APIP: variants seen among roughly 807,000 people sequenced by gnomAD.
APIP encodes the protein APAF1 interacting protein.
APIP carries 32 observed loss-of-function variants against 32.0 expected under a neutral mutation model. The ratio of observed to expected loss-of-function variants is 1.00; its 90% CI spans 0.76 to 1.34. The LOEUF (loss-of-function observed/expected upper bound fraction) is 1.34. Ranked by LOEUF, APIP falls within the 40% of genes most tolerant of loss-of-function variation. The pLI is 0.00. For missense variants in APIP, 247 were observed against 298.6 expected, an observed-to-expected ratio of 0.83 and a Z score of 1.27; for synonymous variants, 92 against 94.8, an observed-to-expected ratio of 0.97 and a Z score of 0.17.
chr11:34,910,736 T>C (rs1394414542), intron 1 of APIP, among the ~76,000 whole-genome samples: 1 of 152,220 alleles, frequency 6.6e-6, no homozygotes, highest in African/African-American at 2.4e-5. Flanking sequence ...TACTTTACTT[T>C]ATCCTTATAA....
At chr11:34,883,626 A>C in intron 5 of APIP, 122 bp from the exon 6 acceptor site, 1 of 891,522 alleles carries the variant, frequency 1.1e-6, no homozygotes, top group South Asian at 1.7e-5. Flanking sequence ...AGCCACTCCA[A>C]ATTATGAACA....
chr11:34,895,050 A>G lies in APIP; in HGVS notation c.118T>C (p.Trp40Arg), dbSNP rs1254459139. ...ATTCCTCCTCCAGTCCCAGTGACCC[A>G]GCCTAAATGGTAAAACTGTTTGCAA... The part of the protein sequence containing the change: ...ELCKQFYHLG[W>R]VTGTGGGISL... Residue 40 changes from tryptophan to arginine, a missense_variant, in exon 2 of 7, where the codon TGG becomes CGG. Physicochemically the swap from Trp to Arg is moderately radical, Grantham distance 101 (BLOSUM62 -3). Transcript: ENST00000395787. 6.2e-7 allele frequency: 1 copy of G among 1,614,030 alleles called. No homozygotes were observed. Among genetic ancestry groups the G allele is most frequent in the African/African-American group, 1.3e-5 (1 of 74,924 alleles).
chr11:34,906,603 C>A lies in APIP; in HGVS notation c.57+9625G>T, dbSNP rs537075039. Among the ~76,000 whole-genome samples, 82 of 152,316 alleles carry A rather than the reference C, an allele frequency of 5.4e-4. 1 individual carries two copies. Among genetic ancestry groups the A allele is most frequent in the African/African-American group, 1.9e-3 (77 of 41,558 alleles). On this transcript the variant is annotated intron_variant, in intron 1 of 6. Coordinates refer to ENST00000395787, the MANE Select transcript of APIP (RefSeq NM_015957.4). Reference sequence around the variant, plus strand: ...CAGCAATCTACAGACTCTTTCACCACAGTAGCAGCACAGAATAGACGGGGC... The same window carrying A: ...CAGCAATCTACAGACTCTTTCACCAAAGTAGCAGCACAGAATAGACGGGGC...
rs768499452 is a variant in APIP at position 34,883,367 on chromosome 11, C to CA, written c.598dup (p.Trp200LeufsTer13). On this transcript the variant is annotated frameshift_variant, in exon 6 of 7. Coordinates refer to ENST00000395787, the MANE Select transcript of APIP (RefSeq NM_015957.4). LOFTEE classifies it high-confidence loss of function. ...TTTGGCCTTCTCCCATGTTTCCCCC[C>CA]ACACATATACTCCATGACGTCTGAC... 1.9e-6 allele frequency: 3 copies of CA among 1,611,864 alleles called. No homozygotes were observed. The highest frequency in any genetic ancestry group is 1.3e-5 in the African/African-American group (1 of 74,814).
At chr11:34,902,538 T>G (rs1433764859) in intron 1 of APIP, among the ~76,000 whole-genome samples, 1 of 152,026 alleles carries the variant, frequency 6.6e-6, no homozygotes, top group Non-Finnish European at 1.5e-5. Context: ...TTAAGCCTAT[T>G]TCCTCCTTCC....
intron 5 of APIP, among the ~76,000 whole-genome samples, chr11:34,885,654 A>G (rs1017637464): frequency 3.9e-5 from 6 of 152,312 alleles, no homozygotes; most frequent in South Asian, 2.1e-4. Flanking sequence ...AATAGGCTCT[A>G]GATTTCTCAA....
At chr11:34,886,980 A>G (rs1853083869) in intron 5 of APIP, among the ~76,000 whole-genome samples, 1 of 152,210 alleles carries the variant, frequency 6.6e-6, no homozygotes, top group African/African-American at 2.4e-5. Context: ...TATAAAAGAT[A>G]AACTTAAAAA....
In APIP at chr11:34,888,407, G is replaced by A; in HGVS notation, c.347C>T (p.Thr116Ile). ...TMRGAGAVIHTHSKAAVMATL... is the reference protein window; with the variant it reads ...TMRGAGAVIHIHSKAAVMATL... ...GGCCATCACAGCAGCTTTAGAGTGG[G>A]TATGAATCACTGCACCTGCTCCTGA... is the stretch of plus-strand genomic sequence containing the variant. The change falls in exon 5 of 7, where the codon ACC becomes ATC. Residue 116 changes from threonine to isoleucine, a missense_variant. Thr to Ile is a moderately conservative substitution (Grantham distance 89, BLOSUM62 -1). Transcript: ENST00000395787. 6.2e-7 allele frequency: 1 copy of A among 1,609,660 alleles called. No individual in the cohort carries two copies. The highest frequency in any genetic ancestry group is 2.2e-5 in the East Asian group (1 of 44,790).
intron 1 of APIP, among the ~76,000 whole-genome samples, chr11:34,908,900 C>A (rs1011252036): frequency 7.2e-5 from 11 of 152,290 alleles, no homozygotes; most frequent in Non-Finnish European, 1.0e-4. Flanking sequence ...CTATGCTATG[C>A]ACAGGGCTTT....
chr11:34,916,117 C>T (rs937496575), intron 1 of APIP, 111 bp downstream of exon 1: 23 of 1,427,952 alleles, frequency 1.6e-5, no homozygotes, highest in Non-Finnish European at 2.1e-5. Flanking sequence ...GCCCGAAACC[C>T]CGCCCCGCAG....
intron 1 of APIP, among the ~76,000 whole-genome samples, chr11:34,897,949 C>T (rs1325609509): frequency 6.6e-6 from 1 of 152,098 alleles, no homozygotes; most frequent in African/African-American, 2.4e-5. Flanking sequence ...TTGGGGTTTT[C>T]TCTCTCTGCT....
At chr11:34,898,974 ATT>A (rs1240508916) in intron 1 of APIP, among the ~76,000 whole-genome samples, 2 of 151,086 alleles carry the variant, frequency 1.3e-5, no homozygotes, top group East Asian at 1.9e-4. Flanking sequence ...AATTGTTTGT[ATT>A]TTTAGTAGAG....
At chr11:34,883,108 G>T (rs1440932959) in intron 6 of APIP, among the ~76,000 whole-genome samples, 1 of 152,032 alleles carries the variant, frequency 6.6e-6, no homozygotes, top group East Asian at 1.9e-4. Context: ...TTCTGAAATA[G>T]AACTTTTGTA....
At position 34,905,780 on chromosome 11, in the gene APIP, T is replaced by C. The variant is rs142620836; in HGVS notation, c.57+10448A>G. 2.2e-4 allele frequency among the ~76,000 whole-genome samples: 34 copies of C among 152,240 alleles called. No homozygotes were observed. In the East Asian group the frequency reaches 5.8e-3, roughly 26 times the overall value. On this transcript the variant is annotated intron_variant, in intron 1 of 6. Transcript: ENST00000395787. ...CTCTAAGTAACCACCTTGACTATAT[T>C]GTAAAGAATAACAGATGGGCCTTTC...
At chr11:34,915,944 G>T in intron 1 of APIP, 1 of 531,982 alleles carries the variant, frequency 1.9e-6, no homozygotes, top group South Asian at 2.5e-5. Context: ...ACCCGGTGAG[G>T]TCACCTAAAC....
Position 34,882,636 on chromosome 11 carries a change from A to G in APIP, c.*81T>C. The G allele has an allele frequency of 8.9e-7, 1 of 1,117,962 alleles. No homozygotes were observed. Among genetic ancestry groups the G allele is most frequent in the Non-Finnish European group, 1.3e-6 (1 of 784,606 alleles). 69.3% of individuals were successfully genotyped at this position (1,117,962 alleles called of 1,614,324 possible). ...ATTAGTAGCATCATGAAAAATTTCA[A>G]TTCATTTAAAAAAATAGCTTTCATT... On this transcript the variant is annotated 3_prime_UTR_variant, in exon 7 of 7. Transcript: ENST00000395787.
At chr11:34,897,267 G>T (rs1182699789) in intron 1 of APIP, among the ~76,000 whole-genome samples, 1 of 152,164 alleles carries the variant, frequency 6.6e-6, no homozygotes, top group Non-Finnish European at 1.5e-5. Context: ...ACTTAGACTT[G>T]GAGTTAGCTG....
intron 5 of APIP, among the ~76,000 whole-genome samples, chr11:34,886,800 C>T (rs1853080365): frequency 6.6e-6 from 1 of 152,186 alleles, no homozygotes; most frequent in African/African-American, 2.4e-5. Context: ...GGCTTGTAGC[C>T]TAGGAGCATT....
intron 1 of APIP, among the ~76,000 whole-genome samples, chr11:34,895,726 G>T (rs191529676): frequency 4.9e-4 from 70 of 143,550 alleles, no homozygotes; most frequent in African/African-American, 1.4e-3. Flanking sequence ...ATGAAGATAC[G>T]TGTTTATGAG....
Sources: allele counts gnomAD v4.1 joint callset (sites outside exome capture counted in the v4.1 genomes callset), GRCh38; gene constraint gnomAD v4.1.1; transcripts MANE v1.5; gene names NCBI Gene and HGNC (gene_info 2026-07-23, HGNC 2026-07-21).